Variants in WDR7 observed in about 807,000 individuals in gnomAD.
The protein encoded by WDR7 is WD repeat domain 7.
In WDR7, 46 loss-of-function variants were observed where a neutral mutation model predicts 169.4. That is an observed-to-expected ratio of 0.27 (90% CI 0.21 to 0.35). WDR7 has a LOEUF of 0.35. WDR7 is among the 10% of genes least tolerant of loss of function. The pLI is 1.00. For missense variants in WDR7, 1,534 were observed against 1,859.3 expected (o/e 0.83, Z 3.22); for synonymous variants, 612 against 666.8 (o/e 0.92, Z 1.27).
rs189755265 is a variant in WDR7, at chr18:56,841,772, G to A, written c.3304+25628G>A. Among the ~76,000 whole-genome samples, 155 of 152,266 alleles carry A rather than the reference G, an allele frequency of 1.0e-3. 1 individual carries two copies. The highest frequency in any genetic ancestry group is 3.5e-3 in the African/African-American group (147 of 41,540). On this transcript the variant is annotated intron_variant, in intron 20 of 27. Coordinates refer to ENST00000254442, the MANE Select transcript of WDR7 (RefSeq NM_015285.3). ...GGATCTATTCTTGACATTTTTAACA[G>A]TTGGAAAGAGTGTAATGTCATGGTT...
intron 16 of WDR7, among the ~76,000 whole-genome samples, chr18:56,761,591 CT>C (rs1356228202): frequency 6.6e-6 from 1 of 151,880 alleles, no homozygotes; most frequent in African/African-American, 2.4e-5. Flanking sequence ...TAATTAATAT[CT>C]TTATGGGATT....
chr18:56,914,174 C>T (rs1185717479), intron 21 of WDR7, among the ~76,000 whole-genome samples: 2 of 152,228 alleles, frequency 1.3e-5, no homozygotes, highest in Non-Finnish European at 2.9e-5. Flanking sequence ...CAGGCAGGCT[C>T]CTGCCTCAGG....
chr18:56,961,281 A>G (rs78631264), intron 25 of WDR7, among the ~76,000 whole-genome samples: 9,910 of 152,110 alleles, frequency 0.065, 335 homozygotes, highest in African/African-American at 0.084. Flanking sequence ...ATGCCCTGGT[A>G]TATCTACCTC....
chr18:56,802,099 G>T (rs2044683616), intron 19 of WDR7, among the ~76,000 whole-genome samples: 1 of 152,056 alleles, frequency 6.6e-6, no homozygotes, highest in African/African-American at 2.4e-5. Context: ...CTATTGCTCT[G>T]CATCTTTGTC....
chr18:56,994,934 A>G (rs2047876670), intron 26 of WDR7, among the ~76,000 whole-genome samples: 1 of 152,236 alleles, frequency 6.6e-6, no homozygotes, highest in Non-Finnish European at 1.5e-5. Flanking sequence ...AAATTTCAGG[A>G]ACCAGTGGTG....
intron 13 of WDR7, among the ~76,000 whole-genome samples, chr18:56,725,137 C>A (rs950689309): frequency 1.7e-4 from 25 of 150,562 alleles, no homozygotes; most frequent in Admixed American, 1.4e-3. Context: ...TCTTTATAGC[C>A]GCATGATTTA....
chr18:56,780,879 A>G (rs2044309040), intron 18 of WDR7, among the ~76,000 whole-genome samples: 1 of 152,266 alleles, frequency 6.6e-6, no homozygotes, highest in African/African-American at 2.4e-5. Flanking sequence ...TTTTGCCAAA[A>G]TAACACTAAA....
chr18:56,824,155 G>C (rs1296278908), intron 20 of WDR7, among the ~76,000 whole-genome samples: 1 of 152,118 alleles, frequency 6.6e-6, no homozygotes, highest in South Asian at 2.1e-4. Context: ...TTCATACTTT[G>C]CATGTGCCCC....
intron 23 of WDR7, among the ~76,000 whole-genome samples, chr18:56,936,470 AG>A (rs1422031236): frequency 3.3e-5 from 5 of 152,230 alleles, no homozygotes; most frequent in Admixed American, 2.0e-4. Flanking sequence ...TCTTAGTAGG[AG>A]GAAGAAAAGG....
chr18:56,710,129 G>A (rs915978279), intron 12 of WDR7, among the ~76,000 whole-genome samples: 5 of 149,628 alleles, frequency 3.3e-5, no homozygotes, highest in South Asian at 2.1e-4. Context: ...TCAGCCTCCC[G>A]AGTAGCTGGG....
chr18:56,976,665 A>T (rs116998060), intron 26 of WDR7, among the ~76,000 whole-genome samples: 5,194 of 152,296 alleles, frequency 0.034, 128 homozygotes, highest in Non-Finnish European at 0.051. Flanking sequence ...TATGCAGAGG[A>T]TACCATCCTG....
At chr18:56,942,487 G>A (rs2047047605) in intron 25 of WDR7, among the ~76,000 whole-genome samples, 1 of 152,128 alleles carries the variant, frequency 6.6e-6, no homozygotes, top group Non-Finnish European at 1.5e-5. Flanking sequence ...AAGAAAAACA[G>A]TAAGAAAAAG....
In WDR7 at chr18:56,692,292, C is replaced by T. The variant is rs2025588469; in HGVS notation, c.966+475C>T. Among the ~76,000 whole-genome samples the T allele has an allele frequency of 2.0e-5, 3 of 152,120 alleles. No homozygotes were observed. The South Asian group carries it at 6.2e-4, about 32-fold the overall frequency. Reference sequence around the variant, plus strand: ...AGAAATAAAGAATAAAACATTTTTTCTCTATAAAAATAAAAGTTTATTGTG... The same window carrying T: ...AGAAATAAAGAATAAAACATTTTTTTTCTATAAAAATAAAAGTTTATTGTG... On this transcript the variant is annotated intron_variant, in intron 9 of 27. Transcript: ENST00000254442.
intron 21 of WDR7, among the ~76,000 whole-genome samples, chr18:56,883,196 C>G (rs1337124576): frequency 3.1e-5 from 4 of 128,422 alleles, no homozygotes; most frequent in Admixed American, 1.9e-4. Flanking sequence ...GGCGACAGAG[C>G]GAGACTCCGT....
At chr18:57,007,941 A>G (rs1264555369) in intron 26 of WDR7, among the ~76,000 whole-genome samples, 6 of 152,154 alleles carry the variant, frequency 3.9e-5, no homozygotes, top group African/African-American at 4.8e-5. Flanking sequence ...TGCAGGGTCT[A>G]TTCCTTCCAC....
At position 56,691,361 on chromosome 18, in the gene WDR7, G is replaced by A; in HGVS notation, c.863G>A (p.Ser288Asn). ...GQSYIYKLPASCLPASDSFRS... is the reference protein window; with the variant it reads ...GQSYIYKLPANCLPASDSFRS... ...AGTTATATTTACAAACTACCTGCCAGGTATGCAGCAAGTAATAAATTAGGA... is the reference window on the plus strand; with the variant it reads ...AGTTATATTTACAAACTACCTGCCAAGTATGCAGCAAGTAATAAATTAGGA... Residue 288 changes from serine to asparagine, a missense_variant and splice_region_variant, in exon 8 of 28, where the codon AGT (serine) becomes AAT (asparagine). Coordinates refer to ENST00000254442, the MANE Select transcript of WDR7 (RefSeq NM_015285.3). The A allele has an allele frequency of 1.3e-6, 2 of 1,582,572 alleles. No individual in the cohort carries two copies. Among genetic ancestry groups the A allele is most frequent in the Non-Finnish European group, 8.5e-7 (1 of 1,172,056 alleles).
chr18:56,895,053 T>A (rs1052415874), intron 21 of WDR7, among the ~76,000 whole-genome samples: 4 of 152,090 alleles, frequency 2.6e-5, no homozygotes, highest in African/African-American at 9.7e-5. Flanking sequence ...AACTAAAAGC[T>A]ACGTCATCCT....
At chr18:56,697,694 A>G (rs1199797922) in intron 12 of WDR7, among the ~76,000 whole-genome samples, 1 of 152,182 alleles carries the variant, frequency 6.6e-6, no homozygotes, top group African/African-American at 2.4e-5. Context: ...GTGAAACATG[A>G]CAATTTTCTT....
chr18:57,013,466 G>C (rs1568313659), intron 26 of WDR7, among the ~76,000 whole-genome samples: 1 of 53,726 alleles, frequency 1.9e-5, no homozygotes, highest in African/African-American at 3.9e-5. Flanking sequence ...TCCACTTTTT[G>C]TTTTAAATTA....
Sources: allele counts gnomAD v4.1 joint callset (sites outside exome capture counted in the v4.1 genomes callset), GRCh38; gene constraint gnomAD v4.1.1; transcripts MANE v1.5; gene names NCBI Gene and HGNC (gene_info 2026-07-23, HGNC 2026-07-21).